The following KLRG1 variants were observed in gnomAD, a reference collection of about 807,000 sequenced individuals.
KLRG1 encodes killer cell lectin-like receptor subfamily G member 1.
A neutral mutation model predicts 21.8 loss-of-function variants in KLRG1; 16 were observed. That is an observed-to-expected ratio of 0.73 (90% confidence interval 0.50 to 1.11). KLRG1 has a LOEUF of 1.11. Among genes scored for constraint, KLRG1 ranks in the 50% most tolerant of loss-of-function variants. KLRG1 has a pLI of 0.00. For missense variants in KLRG1, 173 were observed against 218.3 expected (o/e 0.79, Z 1.31); for synonymous variants, 69 against 75.9 (o/e 0.91, Z 0.47).
the KLRG1 span, chr12:9,157,096 A>G: frequency 7.2e-7 from 1 of 1,391,316 alleles, no homozygotes. Context: ...CACCTCCCAG[A>G]CAGGCCCCAA....
At chr12:9,094,870 CAT>C in the KLRG1 span, 7 of 550,288 alleles carry the variant, frequency 1.3e-5, no homozygotes, top group African/African-American at 1.2e-4. Flanking sequence ...GTATGACTCA[CAT>C]GTCCTTTTTG....
the KLRG1 span, among the ~76,000 whole-genome samples, chr12:9,190,006 G>A: frequency 6.6e-6 from 1 of 152,076 alleles, no homozygotes; most frequent in Non-Finnish European, 1.5e-5. Context: ...ATGTTGGCAA[G>A]GTTGTGGAGA....
the KLRG1 span, chr12:9,027,881 A>G: frequency 1.1e-6 from 1 of 890,494 alleles, no homozygotes; most frequent in South Asian, 1.3e-5. Context: ...CATGACCACT[A>G]CCAAAGTTTC....
the KLRG1 span, among the ~76,000 whole-genome samples, chr12:9,063,573 C>T: frequency 7.2e-5 from 11 of 152,214 alleles, no homozygotes; most frequent in Middle Eastern, 3.4e-3. Context: ...TTCCAAGATT[C>T]CCATGCCACC....
the KLRG1 span, chr12:9,196,978 G>T: frequency 6.9e-7 from 1 of 1,438,880 alleles, no homozygotes. Flanking sequence ...GTTGTAAACA[G>T]TGATAGCACT....
chr12:9,095,186 A>G, the KLRG1 span: 1 of 607,288 alleles, frequency 1.6e-6, no homozygotes, highest in East Asian at 3.1e-5. Flanking sequence ...AGTTAACTTA[A>G]ATTAAACTTT....
At chr12:9,059,479 A>G in the KLRG1 span, among the ~76,000 whole-genome samples, 6 of 152,214 alleles carry the variant, frequency 3.9e-5, no homozygotes, top group South Asian at 1.2e-3. Flanking sequence ...CCAAACACCT[A>G]GCACCTATTT....
the KLRG1 span, among the ~76,000 whole-genome samples, chr12:9,194,591 A>G: frequency 6.6e-6 from 1 of 151,086 alleles, no homozygotes; most frequent in African/African-American, 2.4e-5. Flanking sequence ...CAGCCTCCCG[A>G]GTAGCTGGGA....
chr12:9,182,278 AATT>A, the KLRG1 span, among the ~76,000 whole-genome samples: 1 of 152,158 alleles, frequency 6.6e-6, no homozygotes, highest in African/African-American at 2.4e-5. Context: ...TATTTGGTGA[AATT>A]AGTAGGCCAA....
chr12:9,035,028 T>TA, the KLRG1 span, among the ~76,000 whole-genome samples: 70 of 146,606 alleles, frequency 4.8e-4, no homozygotes, highest in African/African-American at 1.3e-3. Context: ...ATTTAAAAAG[T>TA]AAAAAAAAAA....
chr12:9,139,846 A>C, the KLRG1 span, among the ~76,000 whole-genome samples: 1 of 130,212 alleles, frequency 7.7e-6, no homozygotes, highest in Admixed American at 7.4e-5. Flanking sequence ...GGGGATTCTG[A>C]CCAATTTTTG....
chr12:9,156,639 TA>T, the KLRG1 span, among the ~76,000 whole-genome samples: 1 of 152,208 alleles, frequency 6.6e-6, no homozygotes, highest in Non-Finnish European at 1.5e-5. Flanking sequence ...CAAGTAGAAA[TA>T]AAACTGCATT....
At chr12:9,195,206 A>G in the KLRG1 span, among the ~76,000 whole-genome samples, 1 of 152,150 alleles carries the variant, frequency 6.6e-6, no homozygotes, top group African/African-American at 2.4e-5. Context: ...TACTCCCCAA[A>G]ATTGATACTA....
At chr12:9,047,538 A>G in the KLRG1 span, among the ~76,000 whole-genome samples, 1 of 152,232 alleles carries the variant, frequency 6.6e-6, no homozygotes, top group East Asian at 1.9e-4. Context: ...AAAATAAGGT[A>G]GAGATTAAAT....
the KLRG1 span, among the ~76,000 whole-genome samples, chr12:9,117,657 C>T: frequency 3.9e-5 from 6 of 152,024 alleles, no homozygotes; most frequent in Non-Finnish European, 8.8e-5. Context: ...GGGATATTCA[C>T]GTATTAATAT....
chr12:9,002,011 ATTT>A (rs1414760026), intron 3 of KLRG1, among the ~76,000 whole-genome samples: 1 of 152,052 alleles, frequency 6.6e-6, no homozygotes, highest in Non-Finnish European at 1.5e-5. Context: ...TTTAAATATT[ATTT>A]TTATACGTCT....
the KLRG1 span, chr12:9,069,635 C>T: frequency 1.2e-5 from 9 of 739,812 alleles, no homozygotes; most frequent in Non-Finnish European, 4.4e-6. Context: ...TTAGAATTCT[C>T]AAATTTCTAG....
At chr12:9,042,021 A>G in the KLRG1 span, among the ~76,000 whole-genome samples, 1 of 152,226 alleles carries the variant, frequency 6.6e-6, no homozygotes, top group South Asian at 2.1e-4. Flanking sequence ...AATTCTTTGT[A>G]AAGGCTGGAA....
chr12:9,162,482 T>C, the KLRG1 span: 1 of 760,328 alleles, frequency 1.3e-6, no homozygotes, highest in Non-Finnish European at 2.2e-6. Flanking sequence ...AGTATTATGC[T>C]GACTTTCATG....
Sources: allele counts gnomAD v4.1 joint callset (sites outside exome capture counted in the v4.1 genomes callset), GRCh38; gene constraint gnomAD v4.1.1; transcripts MANE v1.5; gene names NCBI Gene and HGNC (gene_info 2026-07-23, HGNC 2026-07-21).